The following NAALADL2 variants were observed in gnomAD, a reference collection of about 807,000 sequenced individuals.
NAALADL2 encodes the protein inactive N-acetylated-alpha-linked acidic dipeptidase-like protein 2.
NAALADL2 carries 76 observed loss-of-function variants against 87.2 expected under a neutral mutation model. The ratio of observed to expected loss-of-function variants is 0.87; its 90% CI spans 0.72 to 1.05. NAALADL2 has a LOEUF of 1.05. Ranked by LOEUF, NAALADL2 falls within the 50% of genes least tolerant of loss-of-function variation. NAALADL2 has a pLI of 0.00. For missense variants in NAALADL2, 1,089 were observed against 945.8 expected, an observed-to-expected ratio of 1.15 and a Z score of -1.99; for synonymous variants, 354 against 331.0, an observed-to-expected ratio of 1.07 and a Z score of -0.75.
chr3:175,643,606 ATGG>A (rs1729583015), intron 11 of NAALADL2, among the ~76,000 whole-genome samples: 1 of 152,198 alleles, frequency 6.6e-6, no homozygotes, highest in South Asian at 2.1e-4. Context: ...AAGTTTTAAG[ATGG>A]ATGTTTTAAG....
intron 9 of NAALADL2, among the ~76,000 whole-genome samples, chr3:175,496,577 C>T (rs74647063): frequency 0.023 from 3,553 of 152,046 alleles, 125 homozygotes; most frequent in African/African-American, 0.081. Context: ...TTTTTTGATA[C>T]AGGATCTTAC....
chr3:175,014,855 A>G (rs1750614979), intron 1 of NAALADL2, among the ~76,000 whole-genome samples: 1 of 151,778 alleles, frequency 6.6e-6, no homozygotes, highest in African/African-American at 2.4e-5. Context: ...CCCTTCATCC[A>G]TCCTCCATTC....
At chr3:175,295,618 A>T (rs1458800437) in intron 4 of NAALADL2, among the ~76,000 whole-genome samples, 1 of 151,586 alleles carries the variant, frequency 6.6e-6, no homozygotes, top group Non-Finnish European at 1.5e-5. Context: ...GTCTTCTTTC[A>T]TTCACACATG....
intron 9 of NAALADL2, among the ~76,000 whole-genome samples, chr3:175,541,930 A>C (rs6808267): frequency 0.62 from 94,691 of 152,000 alleles, 31,170 homozygotes; most frequent in East Asian, 0.87. Flanking sequence ...CATGTTGGCC[A>C]GGCTGTTCTC....
chr3:174,927,683 A>G (rs1736283091), intron 1 of NAALADL2, among the ~76,000 whole-genome samples: 1 of 152,220 alleles, frequency 6.6e-6, no homozygotes, highest in South Asian at 2.1e-4. Context: ...ACAACATACG[A>G]GAATCTCTGG....
chr3:175,227,749 A>G (rs1315281341), intron 2 of NAALADL2, among the ~76,000 whole-genome samples: 1 of 151,972 alleles, frequency 6.6e-6, no homozygotes. Flanking sequence ...CCTTTGACTA[A>G]ACCATTTGTA....
At chr3:174,925,361 T>G (rs914083941) in intron 1 of NAALADL2, among the ~76,000 whole-genome samples, 2 of 152,112 alleles carry the variant, frequency 1.3e-5, no homozygotes, top group African/African-American at 4.8e-5. Flanking sequence ...TGTCAGGTTT[T>G]TCAAAGATCA....
intron 11 of NAALADL2, among the ~76,000 whole-genome samples, chr3:175,720,988 A>G (rs1392691682): frequency 6.6e-6 from 1 of 152,164 alleles, no homozygotes; most frequent in Admixed American, 6.6e-5. Context: ...TGGTGTGCCA[A>G]AAAATGGTGA....
chr3:174,489,059 G>A (rs1718028309), intron 1 of NAALADL2, among the ~76,000 whole-genome samples: 1 of 152,000 alleles, frequency 6.6e-6, no homozygotes, highest in Admixed American at 6.6e-5. Flanking sequence ...CTGTACTCTG[G>A]ATATTGGTCA....
At chr3:175,368,995 C>A (rs1344791894) in intron 5 of NAALADL2, among the ~76,000 whole-genome samples, 1 of 152,062 alleles carries the variant, frequency 6.6e-6, no homozygotes, top group Non-Finnish European at 1.5e-5. Context: ...GAGCAGTGAG[C>A]AAATGTGAAG....
chr3:175,457,692 T>C (rs980173697), intron 6 of NAALADL2, among the ~76,000 whole-genome samples: 8 of 150,356 alleles, frequency 5.3e-5, no homozygotes, highest in Non-Finnish European at 1.0e-4. Flanking sequence ...CTAATTTTTT[T>C]TTTTTTTTTT....
intron 9 of NAALADL2, among the ~76,000 whole-genome samples, chr3:175,572,320 G>A (rs985310659): frequency 2.6e-5 from 4 of 150,954 alleles, no homozygotes; most frequent in African/African-American, 9.8e-5. Flanking sequence ...TAGCATCAGA[G>A]ATGTAGTTTA....
At chr3:174,590,880 TG>T (rs1173525051) in intron 2 of NAALADL2, among the ~76,000 whole-genome samples, 1 of 151,432 alleles carries the variant, frequency 6.6e-6, no homozygotes, top group African/African-American at 2.4e-5. Context: ...TTCGGTGAAA[TG>T]AAAGGAAAAA....
chr3:175,663,146 T>TTATTA (rs1560935600), intron 11 of NAALADL2, among the ~76,000 whole-genome samples: 2 of 151,206 alleles, frequency 1.3e-5, no homozygotes, highest in African/African-American at 2.4e-5. Context: ...TGGGCTTGCT[T>TTATTA]TTTTATTTTA....
chr3:174,822,301 T>C (rs1433161012), intron 3 of NAALADL2, among the ~76,000 whole-genome samples: 1 of 152,296 alleles, frequency 6.6e-6, no homozygotes, highest in Admixed American at 6.5e-5. Flanking sequence ...GCACAGGAGC[T>C]GGTCCATTCT....
At chr3:174,784,997 T>C (rs561309163) in intron 3 of NAALADL2, among the ~76,000 whole-genome samples, 5 of 152,310 alleles carry the variant, frequency 3.3e-5, no homozygotes, top group African/African-American at 7.2e-5. Flanking sequence ...TCTTTTGTCC[T>C]TTTTAATTTA....
chr3:175,090,856 CA>C (rs1422597953), intron 1 of NAALADL2, among the ~76,000 whole-genome samples: 5 of 86,704 alleles, frequency 5.8e-5, no homozygotes, highest in African/African-American at 2.8e-4. Context: ...GCATGAGCAA[CA>C]AATAATTATT....
chr3:174,970,242 A>C (rs1297573986), intron 1 of NAALADL2, among the ~76,000 whole-genome samples: 1 of 152,194 alleles, frequency 6.6e-6, no homozygotes, highest in Non-Finnish European at 1.5e-5. Context: ...CCAAGACTAC[A>C]TTTCAATGCA....
chr3:174,924,109 C>T (rs570735182), intron 1 of NAALADL2, among the ~76,000 whole-genome samples: 9 of 152,184 alleles, frequency 5.9e-5, no homozygotes, highest in Admixed American at 1.3e-4. Flanking sequence ...ATGTACACAA[C>T]ATGCAAGTTT....
Sources: gnomAD v4.1 joint callset for allele counts (sites outside exome capture counted in the v4.1 genomes callset) on GRCh38, gnomAD v4.1.1 for gene constraint, MANE v1.5 for transcripts, NCBI Gene and HGNC (gene_info 2026-07-23, HGNC 2026-07-21) for gene names.